The following ADGRG6 variants were observed in gnomAD, a reference collection of about 807,000 sequenced individuals.
ADGRG6 encodes the protein adhesion G protein-coupled receptor G6.
ADGRG6 carries 84 observed loss-of-function variants against 142.4 expected under a neutral mutation model. That is an observed-to-expected ratio of 0.59 (90% CI 0.49 to 0.71). ADGRG6 has a LOEUF of 0.71. ADGRG6 is among the 30% of genes least tolerant of loss of function. The probability of loss-of-function intolerance (pLI) is 0.00; values close to 1 mark genes in which losing one functional copy is unlikely to be tolerated. For missense variants in ADGRG6, 1,367 were observed against 1,466.6 expected, an observed-to-expected ratio of 0.93 and a Z score of 1.11; for synonymous variants, 521 against 520.5, an observed-to-expected ratio of 1.00 and a Z score of -0.01.
At chr6:142,392,770 C>A (rs1176368875) in intron 7 of ADGRG6, among the ~76,000 whole-genome samples, 178 bp from the exon 8 acceptor site, 15 of 151,992 alleles carry the variant, frequency 9.9e-5, no homozygotes, top group Non-Finnish European at 2.2e-4. Flanking sequence ...TTATCAAATT[C>A]TTGGTATACA....
At chr6:142,403,007 G>GTT (rs1314290573) in intron 13 of ADGRG6, among the ~76,000 whole-genome samples, 177 bp downstream of exon 13, 1 of 144,416 alleles carries the variant, frequency 6.9e-6, no homozygotes, top group African/African-American at 2.5e-5. Flanking sequence ...AGTTCTGTGT[G>GTT]TTTTTTTTTT....
At chr6:142,381,225 G>T (rs1157162747) in intron 4 of ADGRG6, among the ~76,000 whole-genome samples, 1 of 151,772 alleles carries the variant, frequency 6.6e-6, no homozygotes, top group South Asian at 2.1e-4. Flanking sequence ...TTAAAATATC[G>T]TGCATATTAT....
chr6:142,407,070 C>T (rs9373345), intron 15 of ADGRG6, among the ~76,000 whole-genome samples: 12,866 of 151,040 alleles, frequency 0.085, 643 homozygotes, highest in East Asian at 0.25. Context: ...CGCAGTGCCT[C>T]GTGCCTGTAA....
chr6:142,321,158 T>G (rs974028252), intron 2 of ADGRG6, among the ~76,000 whole-genome samples: 1 of 151,904 alleles, frequency 6.6e-6, no homozygotes, highest in African/African-American at 2.4e-5. Context: ...GGCATAAAAC[T>G]GAGTAGTGTT....
At chr6:142,389,259 T>G (rs1240374963) in intron 6 of ADGRG6, among the ~76,000 whole-genome samples, 1 of 151,960 alleles carries the variant, frequency 6.6e-6, no homozygotes, top group African/African-American at 2.4e-5. Flanking sequence ...TTTACATTTT[T>G]TTTTCTACTG....
rs144146059 is a variant in ADGRG6, at chr6:142,354,442, T to G, written c.104-13127T>G. Among the ~76,000 whole-genome samples the G allele has an allele frequency of 3.4e-3, 518 of 152,250 alleles. 6 individuals carry two copies. Among genetic ancestry groups the G allele is most frequent in the African/African-American group, 0.012 (504 of 41,552 alleles). On this transcript the variant is annotated intron_variant, in intron 2 of 24. Transcript: ENST00000367609. ...GAGTTTTAATGGCCAAATATAATCC[T>G]CAGTTTGTCAGTTACACATTATTAA...
intron 2 of ADGRG6, among the ~76,000 whole-genome samples, chr6:142,319,363 A>G (rs1778407687): frequency 6.6e-6 from 1 of 152,164 alleles, no homozygotes; most frequent in South Asian, 2.1e-4. Flanking sequence ...CCCTGGGTCC[A>G]AAGTAAATCG....
At chr6:142,393,495 G>A (rs1775015306) in intron 8 of ADGRG6, among the ~76,000 whole-genome samples, 1 of 151,974 alleles carries the variant, frequency 6.6e-6, no homozygotes, top group Admixed American at 6.6e-5. Context: ...ATATCCTCCT[G>A]TGTACCTTGT....
At chr6:142,320,681 C>T (rs867015260) in intron 2 of ADGRG6, among the ~76,000 whole-genome samples, 5 of 151,908 alleles carry the variant, frequency 3.3e-5, no homozygotes, top group African/African-American at 7.3e-5. Flanking sequence ...GGTTAGCAGA[C>T]GTTAAATTGG....
Position 142,404,149 on chromosome 6 carries a change from G to A in ADGRG6, c.2127+176G>A, listed in dbSNP as rs147785525. 578 of 591,542 alleles carry A rather than the reference G, an allele frequency of 9.8e-4. 1 individual carries two copies. The highest frequency in any genetic ancestry group is 8.7e-3 in the East Asian group (294 of 33,678). 36.6% of individuals were successfully genotyped at this position (591,542 alleles called of 1,614,324 possible). Reference sequence around the variant, plus strand: ...AAAGTATTGTGGGAGCTCAGAGTGGGTATGCTTTCATAATCTGGGTGACAG... The same window carrying A: ...AAAGTATTGTGGGAGCTCAGAGTGGATATGCTTTCATAATCTGGGTGACAG... On this transcript the variant is annotated intron_variant, in intron 14 of 24. Transcript: ENST00000367609.
At chr6:142,418,115 C>T (rs1397545048) in intron 21 of ADGRG6, among the ~76,000 whole-genome samples, 5 of 151,572 alleles carry the variant, frequency 3.3e-5, no homozygotes, top group African/African-American at 9.7e-5. Context: ...GCCAACATGG[C>T]GAAACCCCAT....
intron 22 of ADGRG6, among the ~76,000 whole-genome samples, chr6:142,424,328 AT>A (rs2115121709): frequency 1.0e-5 from 1 of 98,130 alleles, no homozygotes; most frequent in South Asian, 4.0e-4. Flanking sequence ...AGCTCTTATT[AT>A]TTTGAAATAC....
intron 23 of ADGRG6, among the ~76,000 whole-genome samples, chr6:142,437,782 A>T (rs1218946415): frequency 1.3e-5 from 2 of 151,724 alleles, no homozygotes; most frequent in Admixed American, 6.6e-5. Context: ...CTGAGGTTTG[A>T]TGTCTAATTT....
At chr6:142,394,812 C>G (rs1265869401) in intron 9 of ADGRG6, among the ~76,000 whole-genome samples, 1 of 151,580 alleles carries the variant, frequency 6.6e-6, no homozygotes, top group Non-Finnish European at 1.5e-5. Context: ...ATCTCAAACT[C>G]CTGGCCTCAA....
chr6:142,339,831 A>G (rs768477072), intron 2 of ADGRG6, among the ~76,000 whole-genome samples: 2 of 152,146 alleles, frequency 1.3e-5, no homozygotes, highest in Non-Finnish European at 2.9e-5. Flanking sequence ...ACATCATGGA[A>G]ACTTCAAAAA....
At chr6:142,339,610 C>CA (rs1247012911) in intron 2 of ADGRG6, among the ~76,000 whole-genome samples, 2 of 152,114 alleles carry the variant, frequency 1.3e-5, no homozygotes, top group African/African-American at 4.8e-5. Context: ...TTTGTGGTGT[C>CA]AAAGCTAGGT....
chr6:142,309,638 C>T lies in ADGRG6; in HGVS notation c.97C>T (p.His33Tyr), dbSNP rs749943489. 1 of 1,587,034 alleles carries T rather than the reference C, an allele frequency of 6.3e-7. No individual in the cohort carries two copies. The highest frequency in any genetic ancestry group is 1.3e-5 in the African/African-American group (1 of 74,482). ...LFALYIMCVP[H>Y]SVWGCANCRV... ...TGCTTTATATATCATGTGTGTTCCTCACTCAGGTAAGACTCTTCCTCTTTC... is the reference window on the plus strand; with the variant it reads ...TGCTTTATATATCATGTGTGTTCCTTACTCAGGTAAGACTCTTCCTCTTTC... The change falls in exon 2 of 25, where the codon CAC becomes TAC. Residue 33 changes from histidine to tyrosine, a missense_variant. His to Tyr is a moderately conservative substitution (Grantham distance 83). Around this residue, in one of 3 missense-constraint regions of ADGRG6, gnomAD observed 737 missense variants for 746.5 expected, o/e 0.99. Transcript: ENST00000367609.
At chr6:142,437,403 G>T in intron 22 of ADGRG6, 31 bp from the exon 23 acceptor site, 1 of 1,001,440 alleles carries the variant, frequency 1.0e-6, no homozygotes, top group South Asian at 1.4e-5. Context: ...GTGTCAGTTG[G>T]CTTAAATATT....
chr6:142,335,476 C>T (rs1779267312), intron 2 of ADGRG6, among the ~76,000 whole-genome samples: 1 of 152,028 alleles, frequency 6.6e-6, no homozygotes, highest in Non-Finnish European at 1.5e-5. Context: ...GATTCAGTTC[C>T]TGGGAGGACA....
Sources: allele counts gnomAD v4.1 joint callset (sites outside exome capture counted in the v4.1 genomes callset), GRCh38; gene constraint gnomAD v4.1.1; regional missense constraint gnomAD v4.1.1; transcripts MANE v1.5; gene names NCBI Gene and HGNC (gene_info 2026-07-23, HGNC 2026-07-21).